NOL4: variants seen among roughly 807,000 people sequenced by gnomAD.
The protein encoded by NOL4 is nucleolar protein 4, also known as cancer/testis antigen 125.
In NOL4, 17 loss-of-function variants were observed where a neutral mutation model predicts 75.9. The observed-to-expected ratio is 0.22, with a 90% CI of 0.15 to 0.34. The LOEUF is 0.34. Among genes scored for constraint, NOL4 ranks in the 10% least tolerant of loss-of-function variants. The pLI is 1.00. For synonymous variants in NOL4, 292 were observed against 289.9 expected, an observed-to-expected ratio of 1.01 and a Z score of -0.07; for missense variants, 614 against 793.5, an observed-to-expected ratio of 0.77 and a Z score of 2.72.
intron 1 of NOL4, 135 bp from the exon 2 acceptor site, chr18:34,130,155 GA>G (rs2080573249): frequency 9.3e-6 from 7 of 753,496 alleles, no homozygotes; most frequent in Non-Finnish European, 1.3e-5. Flanking sequence ...AAAAATTCAT[GA>G]ATGAATATTT....
intron 5 of NOL4, among the ~76,000 whole-genome samples, chr18:34,068,837 A>G (rs920051944): frequency 1.3e-5 from 2 of 152,192 alleles, no homozygotes; most frequent in African/African-American, 2.4e-5. Context: ...TTAAAAAGCT[A>G]TGTCTGGGAG....
chr18:34,176,178 G>A (rs1270266194), intron 1 of NOL4, among the ~76,000 whole-genome samples: 1 of 151,998 alleles, frequency 6.6e-6, no homozygotes, highest in East Asian at 1.9e-4. Context: ...ATTTGAAAAG[G>A]AGAATCAATG....
intron 1 of NOL4, among the ~76,000 whole-genome samples, chr18:34,135,086 A>G (rs1232628107): frequency 1.3e-5 from 2 of 152,180 alleles, no homozygotes; most frequent in Non-Finnish European, 2.9e-5. Flanking sequence ...TGGAGAGTAG[A>G]AAACAATGGA....
At chr18:34,216,716 T>C (rs562323047) in intron 1 of NOL4, among the ~76,000 whole-genome samples, 3 of 151,250 alleles carry the variant, frequency 2.0e-5, no homozygotes, top group South Asian at 4.2e-4. Flanking sequence ...AGTGAAAATA[T>C]GCTTCTCATT....
intron 9 of NOL4, among the ~76,000 whole-genome samples, chr18:33,908,461 C>T (rs922745459): frequency 6.6e-6 from 1 of 152,066 alleles, no homozygotes; most frequent in African/African-American, 2.4e-5. Context: ...TTCTTTGTAG[C>T]AACTTTTGAT....
intron 2 of NOL4, among the ~76,000 whole-genome samples, chr18:34,129,156 C>A (rs1262891347): frequency 6.6e-6 from 1 of 151,792 alleles, no homozygotes; most frequent in Non-Finnish European, 1.5e-5. Flanking sequence ...GTGTCTAGAT[C>A]AAACTGTAGG....
At chr18:34,038,070 A>C (rs1019482470) in intron 5 of NOL4, among the ~76,000 whole-genome samples, 3 of 152,184 alleles carry the variant, frequency 2.0e-5, no homozygotes, top group African/African-American at 7.2e-5. Context: ...TGTCTTAAAA[A>C]TTCGGCAAAG....
intron 1 of NOL4, among the ~76,000 whole-genome samples, chr18:34,192,842 G>T (rs2035022655): frequency 6.6e-6 from 1 of 152,152 alleles, no homozygotes; most frequent in South Asian, 2.1e-4. Flanking sequence ...ATGGGAGTGG[G>T]TTGCTTATCA....
At chr18:34,143,293 T>G (rs1264387146) in intron 1 of NOL4, among the ~76,000 whole-genome samples, 1 of 152,168 alleles carries the variant, frequency 6.6e-6, no homozygotes, top group Non-Finnish European at 1.5e-5. Context: ...TAAACAGTAC[T>G]GATATAAAAG....
intron 5 of NOL4, among the ~76,000 whole-genome samples, chr18:34,030,521 A>G (rs1292626151): frequency 6.6e-6 from 1 of 152,226 alleles, no homozygotes; most frequent in African/African-American, 2.4e-5. Context: ...TGGTAATCAA[A>G]GTGAGAATAT....
intron 1 of NOL4, among the ~76,000 whole-genome samples, chr18:34,208,258 A>G (rs1339243979): frequency 6.6e-6 from 1 of 152,076 alleles, no homozygotes; most frequent in Admixed American, 6.5e-5. Context: ...CAGAGTTTTT[A>G]GTATAATCAG....
intron 6 of NOL4, among the ~76,000 whole-genome samples, chr18:33,986,747 C>A (rs988088488): frequency 6.6e-6 from 1 of 151,498 alleles, no homozygotes; most frequent in Admixed American, 6.6e-5. Flanking sequence ...TTTATAGAAT[C>A]AAAAAAAATC....
chr18:34,025,530 T>C (rs1196991883), intron 5 of NOL4, among the ~76,000 whole-genome samples: 1 of 152,204 alleles, frequency 6.6e-6, no homozygotes, highest in Non-Finnish European at 1.5e-5. Flanking sequence ...CTCTGGGTCC[T>C]GCATGTTCTC....
intron 6 of NOL4, among the ~76,000 whole-genome samples, chr18:33,972,216 T>C (rs1364679147): frequency 4.0e-5 from 6 of 151,758 alleles, no homozygotes; most frequent in Non-Finnish European, 8.8e-5. Flanking sequence ...AAATCATTTA[T>C]GGTATGCTGC....
chr18:33,951,534 C>A (rs1317347952), intron 8 of NOL4, among the ~76,000 whole-genome samples: 2 of 151,784 alleles, frequency 1.3e-5, no homozygotes, highest in Admixed American at 1.3e-4. Flanking sequence ...CTGAAAAATT[C>A]TTCATCATTA....
chr18:34,098,864 C>T lies in NOL4; in HGVS notation c.639+5183G>A, dbSNP rs1384749170. On this transcript the variant is annotated intron_variant, in intron 4 of 10. Transcript: ENST00000261592. ...GTTTTATCAGCTAAAAACCTTGGTGCCCCATCTGCAAAATGGAGGTAGAGC... is the reference window on the plus strand; with the variant it reads ...GTTTTATCAGCTAAAAACCTTGGTGTCCCATCTGCAAAATGGAGGTAGAGC... Among the ~76,000 whole-genome samples the T allele has an allele frequency of 2.6e-5, 4 of 152,060 alleles. No individual in the cohort carries two copies. The East Asian group carries it at 7.7e-4, about 29-fold the overall frequency.
intron 1 of NOL4, among the ~76,000 whole-genome samples, chr18:34,176,639 C>A (rs1025654868): frequency 1.1e-4 from 17 of 152,084 alleles, no homozygotes; most frequent in Non-Finnish European, 1.6e-4. Context: ...AGGACTGGTG[C>A]CCTTATATGT....
intron 1 of NOL4, among the ~76,000 whole-genome samples, chr18:34,161,344 C>T (rs981847674): frequency 6.6e-6 from 1 of 152,028 alleles, no homozygotes; most frequent in Non-Finnish European, 1.5e-5. Flanking sequence ...GTGGGATTGC[C>T]ATTCTATTTC....
chr18:34,062,883 A>C (rs1191377764), intron 5 of NOL4, among the ~76,000 whole-genome samples: 1 of 152,114 alleles, frequency 6.6e-6, no homozygotes, highest in Middle Eastern at 3.2e-3. Flanking sequence ...ATCCCAAACC[A>C]AAAACGTTGC....
Sources: gnomAD v4.1 joint callset for allele counts (sites outside exome capture counted in the v4.1 genomes callset) on GRCh38, gnomAD v4.1.1 for gene constraint, MANE v1.5 for transcripts, NCBI Gene and HGNC (gene_info 2026-07-23, HGNC 2026-07-21) for gene names.